MGARP: variants seen among roughly 807,000 people sequenced by gnomAD.
MGARP encodes the protein protein MGARP.
Under a neutral mutation model 11.0 loss-of-function variants are expected in MGARP, and 12 were observed. That is an observed-to-expected ratio of 1.09 (90% CI 0.70 to 1.77). The LOEUF (loss-of-function observed/expected upper bound fraction) is 1.77, where lower values mean the gene tolerates loss of function less well. Among genes scored for constraint, MGARP ranks in the 40% most tolerant of loss-of-function variants. The pLI is 0.00. For missense variants in MGARP, 283 were observed against 297.8 expected (o/e 0.95, Z 0.36); for synonymous variants, 110 against 115.4 (o/e 0.95, Z 0.30).
At chr4:139,269,328 T>A (rs1021176998) in intron 2 of MGARP, among the ~76,000 whole-genome samples, 1 of 152,094 alleles carries the variant, frequency 6.6e-6, no homozygotes, top group Non-Finnish European at 1.5e-5. Flanking sequence ...TTATTTGTAA[T>A]AGTCAAAAAC....
chr4:139,268,533 A>G, intron 3 of MGARP, 139 bp downstream of exon 3: 1 of 565,242 alleles, frequency 1.8e-6, no homozygotes, highest in Non-Finnish European at 3.0e-6. Flanking sequence ...TTCCTTTCTA[A>G]ATGAACTTAT....
At chr4:139,275,535 T>A in intron 1 of MGARP, 143 bp from the exon 2 acceptor site, 1 of 623,608 alleles carries the variant, frequency 1.6e-6, no homozygotes, top group Non-Finnish European at 2.8e-6. Context: ...AATACAGTAT[T>A]ACGAGGCTGG....
chr4:139,267,083 C>G (rs1382001507), intron 3 of MGARP, 42 bp from the exon 4 acceptor site: 2 of 1,579,024 alleles, frequency 1.3e-6, no homozygotes, highest in Non-Finnish European at 1.7e-6. Flanking sequence ...ATTTAAAGAT[C>G]GTGGGAAGGC....
chr4:139,277,790 A>G (rs112168244), intron 1 of MGARP, among the ~76,000 whole-genome samples: 65 of 152,316 alleles, frequency 4.3e-4, no homozygotes, highest in African/African-American at 1.5e-3. Context: ...TGAGGGGAAA[A>G]AAAAGGTCTG....
chr4:139,269,986 T>A (rs1162552518), intron 2 of MGARP, among the ~76,000 whole-genome samples: 1 of 152,068 alleles, frequency 6.6e-6, no homozygotes, highest in East Asian at 1.9e-4. Context: ...AGTGTAAAAA[T>A]TATGCTGTGA....
chr4:139,275,533 A>G, intron 1 of MGARP, 141 bp from the exon 2 acceptor site: 1 of 625,124 alleles, frequency 1.6e-6, no homozygotes, highest in East Asian at 2.8e-5. Flanking sequence ...GGAATACAGT[A>G]TTACGAGGCT....
intron 2 of MGARP, among the ~76,000 whole-genome samples, chr4:139,270,565 T>C (rs1390935608): frequency 3.8e-4 from 51 of 132,964 alleles, no homozygotes; most frequent in African/African-American, 1.4e-3. Flanking sequence ...GCAGAGATCG[T>C]ACCACTGCAC....
chr4:139,276,206 A>G (rs1744871118), intron 1 of MGARP, among the ~76,000 whole-genome samples: 1 of 152,212 alleles, frequency 6.6e-6, no homozygotes, highest in South Asian at 2.1e-4. Flanking sequence ...TTCAACTAAC[A>G]CAGCTGAGCA....
intron 1 of MGARP, among the ~76,000 whole-genome samples, chr4:139,276,451 T>C (rs1251896337): frequency 6.6e-6 from 1 of 151,854 alleles, no homozygotes; most frequent in Non-Finnish European, 1.5e-5. Flanking sequence ...TGAAGGAAAA[T>C]AAGGGAAAGA....
At chr4:139,271,835 C>G (rs1435381876) in intron 2 of MGARP, among the ~76,000 whole-genome samples, 1 of 152,128 alleles carries the variant, frequency 6.6e-6, no homozygotes, top group Non-Finnish European at 1.5e-5. Context: ...ACTTCCATCC[C>G]TACTGTGAGA....
chr4:139,279,563 G>C (rs1744923485), intron 1 of MGARP, among the ~76,000 whole-genome samples: 1 of 152,070 alleles, frequency 6.6e-6, no homozygotes, highest in South Asian at 2.1e-4. Flanking sequence ...ACGAACATTC[G>C]CCCAGCGTCC....
chr4:139,275,414 A>G (rs1309768138), intron 1 of MGARP, 22 bp from the exon 2 acceptor site: 1 of 1,586,862 alleles, frequency 6.3e-7, no homozygotes, highest in East Asian at 2.2e-5. Flanking sequence ...ATGTTTAAAC[A>G]CAGTTAGCTT....
chr4:139,274,749 C>T (rs1039009615), intron 2 of MGARP, among the ~76,000 whole-genome samples: 1 of 152,180 alleles, frequency 6.6e-6, no homozygotes, highest in Admixed American at 6.5e-5. Context: ...TCCCAAAGTG[C>T]TGGGATTACA....
At chr4:139,267,780 T>C (rs1744718928) in intron 3 of MGARP, among the ~76,000 whole-genome samples, 1 of 152,146 alleles carries the variant, frequency 6.6e-6, no homozygotes, top group African/African-American at 2.4e-5. Context: ...ATAGTGATCA[T>C]AGTAATTGAT....
At chr4:139,277,244 C>T (rs1049164982) in intron 1 of MGARP, among the ~76,000 whole-genome samples, 3 of 152,106 alleles carry the variant, frequency 2.0e-5, no homozygotes, top group Non-Finnish European at 2.9e-5. Context: ...TTGCACAGGG[C>T]GAATCTTAAG....
chr4:139,275,945 T>C (rs573245643), intron 1 of MGARP, among the ~76,000 whole-genome samples: 2 of 152,210 alleles, frequency 1.3e-5, no homozygotes, highest in East Asian at 3.9e-4. Context: ...AGATAAAACG[T>C]TTTTAAGCCA....
chr4:139,266,848 T>C lies in MGARP; in HGVS notation c.474A>G (p.Pro158=), dbSNP rs1486334270. 6.2e-7 allele frequency: 1 copy of C among 1,614,110 alleles called. No individual in the cohort carries two copies. Among genetic ancestry groups the C allele is most frequent in the Non-Finnish European group, 8.5e-7 (1 of 1,180,058 alleles). ...ETTAVSAETG[P]EVTDAAARET... is the part of the protein sequence containing the mutation. ...CCCTCGCCGCTGCATCTGTGACCTC[T>C]GGCCCGGTTTCAGCACTGACTGCTG... is the stretch of plus-strand genomic sequence containing the variant. Residue 158 remains proline, a synonymous_variant, in exon 4 of 4, where the codon CCA becomes CCG. Coordinates refer to ENST00000398955, the MANE Select transcript of MGARP (RefSeq NM_032623.4).
At chr4:139,273,325 T>A (rs1354879594) in intron 2 of MGARP, among the ~76,000 whole-genome samples, 2 of 151,772 alleles carry the variant, frequency 1.3e-5, no homozygotes, top group Non-Finnish European at 2.9e-5. Context: ...GCTCAAGCGA[T>A]CCTCCCATCA....
At position 139,275,445 on chromosome 4, in the gene MGARP, T is replaced by C. The variant is rs1011315283; in HGVS notation, c.83-53A>G. 4 of 1,402,046 alleles carry C rather than the reference T, an allele frequency of 2.9e-6. No individual in the cohort carries two copies. In the African/African-American group the frequency reaches 5.8e-5, roughly 20 times the overall value. The allele number at this position is 1,402,046 out of a possible 1,614,324, so 86.9% of individuals were successfully genotyped here. ...AGCTTCACTAGTTGAGCAAAACTAT[T>C]TTAAATAATTACATCTTTCAAAATT... On this transcript the variant is annotated intron_variant, in intron 1 of 3. Coordinates refer to ENST00000398955, the MANE Select transcript of MGARP (RefSeq NM_032623.4).
Sources: gnomAD v4.1 joint callset for allele counts (sites outside exome capture counted in the v4.1 genomes callset) on GRCh38, gnomAD v4.1.1 for gene constraint, MANE v1.5 for transcripts, NCBI Gene and HGNC (gene_info 2026-07-23, HGNC 2026-07-21) for gene names.